DAB1: variants seen among roughly 807,000 people sequenced by gnomAD.
DAB1 encodes DAB adaptor protein 1, also known as disabled homolog 1.
DAB1 carries 15 observed loss-of-function variants against 64.6 expected under a neutral mutation model. The observed-to-expected ratio is 0.23, with a 90% CI of 0.16 to 0.36. DAB1 has a LOEUF of 0.36. Ranked by LOEUF, DAB1 falls within the 10% of genes least tolerant of loss-of-function variation. The pLI is 1.00. For missense variants in DAB1, 596 were observed against 706.7 expected, an observed-to-expected ratio of 0.84 and a Z score of 1.78; for synonymous variants, 235 against 251.9, an observed-to-expected ratio of 0.93 and a Z score of 0.64.
At chr1:58,170,744 T>C (rs564955997) in intron 4 of DAB1, among the ~76,000 whole-genome samples, 1 of 152,190 alleles carries the variant, frequency 6.6e-6, no homozygotes, top group Admixed American at 6.5e-5. Flanking sequence ...ATGTCTGCTA[T>C]GCCGAGGCAA....
chr1:57,394,597 T>C (rs1682655335), intron 1 of DAB1, among the ~76,000 whole-genome samples: 1 of 152,228 alleles, frequency 6.6e-6, no homozygotes, highest in South Asian at 2.1e-4. Context: ...CAGATGCCCC[T>C]GGAAAGCTAG....
rs137992523 is a variant in DAB1, at chr1:58,320,054, T to C, written n.309+23298A>G. On this transcript the variant is annotated intron_variant and non_coding_transcript_variant, in intron 4 of 20. Transcript: ENST00000485760. ...CAAGCATTTACTGAGCTCATACTCTTTGCCAAACACCATCCTAGGTATGCT... is the reference window on the plus strand; with the variant it reads ...CAAGCATTTACTGAGCTCATACTCTCTGCCAAACACCATCCTAGGTATGCT... 2.8e-3 allele frequency among the ~76,000 whole-genome samples: 427 copies of C among 152,316 alleles called. 6 individuals are homozygous for C. Among genetic ancestry groups the C allele is most frequent in the African/African-American group, 9.2e-3 (383 of 41,574 alleles).
chr1:58,065,076 ATAT>A (rs1648772148), intron 5 of DAB1, among the ~76,000 whole-genome samples: 1 of 152,150 alleles, frequency 6.6e-6, no homozygotes, highest in Non-Finnish European at 1.5e-5. Context: ...CCAGTTGCAT[ATAT>A]TATCTCATTT....
At chr1:58,452,547 C>T (rs565678635) in intron 3 of DAB1, among the ~76,000 whole-genome samples, 7 of 151,798 alleles carry the variant, frequency 4.6e-5, no homozygotes, top group South Asian at 2.1e-4. Context: ...CAGTGGCTCA[C>T]GCCTGTAATC....
At chr1:57,857,220 T>C (rs1032194711) in intron 1 of DAB1, among the ~76,000 whole-genome samples, 2 of 152,186 alleles carry the variant, frequency 1.3e-5, no homozygotes, top group African/African-American at 4.8e-5. Context: ...AAGTGGGCAT[T>C]GTTAGACAAG....
chr1:57,822,001 A>G (rs1014264713), downstream of DAB1, among the ~76,000 whole-genome samples: 2 of 152,242 alleles, frequency 1.3e-5, no homozygotes, highest in African/African-American at 2.4e-5. Flanking sequence ...AGCAAGGGCT[A>G]TATCTCATCT....
Position 58,122,048 on chromosome 1 carries a change from G to A in DAB1, n.387+28463C>T, listed in dbSNP as rs376698373. On this transcript the variant is annotated intron_variant and non_coding_transcript_variant, in intron 5 of 20. Coordinates refer to the DAB1 transcript ENST00000485760. ...TCATGTAACAATATGATAAATACAC[G>A]GAAGACAAATGGGACTGTTCTTGAT... 1.4e-4 allele frequency among the ~76,000 whole-genome samples: 22 copies of A among 152,178 alleles called. 1 individual carries two copies. Among genetic ancestry groups the A allele is most frequent in the African/African-American group, 5.1e-4 (21 of 41,520 alleles).
At chr1:57,955,492 T>A (rs925599028) in intron 5 of DAB1, among the ~76,000 whole-genome samples, 5 of 150,584 alleles carry the variant, frequency 3.3e-5, no homozygotes, top group Admixed American at 2.7e-4. Flanking sequence ...CTAATAGTAG[T>A]GTCTTGAGTG....
chr1:58,108,264 G>T (rs764753211), intron 5 of DAB1, among the ~76,000 whole-genome samples: 1 of 152,182 alleles, frequency 6.6e-6, no homozygotes, highest in Non-Finnish European at 1.5e-5. Context: ...AATGTCACAG[G>T]TGTGAGATGA....
intron 4 of DAB1, among the ~76,000 whole-genome samples, chr1:58,205,204 G>C (rs767956108): frequency 6.6e-5 from 10 of 151,994 alleles, no homozygotes; most frequent in Admixed American, 5.9e-4. Flanking sequence ...ACTTCCATCT[G>C]AGTGGGTTCA....
At chr1:57,085,765 G>A (rs1165435796) in intron 4 of DAB1, among the ~76,000 whole-genome samples, 7 of 152,050 alleles carry the variant, frequency 4.6e-5, no homozygotes, top group East Asian at 3.9e-4. Flanking sequence ...CCAGCTCCTC[G>A]CACACTGTAT....
chr1:57,540,287 A>G (rs1411088852), intron 7 of DAB1, among the ~76,000 whole-genome samples: 1 of 152,192 alleles, frequency 6.6e-6, no homozygotes, highest in African/African-American at 2.4e-5. Context: ...TCAAAGAGAC[A>G]AAAAAATAAC....
chr1:58,340,652 C>T (rs1643919779), intron 4 of DAB1, among the ~76,000 whole-genome samples: 1 of 152,144 alleles, frequency 6.6e-6, no homozygotes, highest in African/African-American at 2.4e-5. Flanking sequence ...CAATAAGTGG[C>T]TGACGTGCTG....
At position 58,267,259 on chromosome 1, in the gene DAB1, G is replaced by A. The variant is rs539537354; in HGVS notation, n.309+76093C>T. On this transcript the variant is annotated intron_variant and non_coding_transcript_variant, in intron 4 of 20. Transcript: ENST00000485760. ...AATAAAATAAAAAATAATATAAGTA[G>A]AAAAAAATGTATTTGCTCTGACAAC... Among the ~76,000 whole-genome samples the A allele has an allele frequency of 2.6e-5, 4 of 152,146 alleles. No individual in the cohort carries two copies. The South Asian group carries it at 8.3e-4, about 32-fold the overall frequency.
rs570809557 is a variant in DAB1 at position 58,467,606 on chromosome 1, G to A, written n.257+38454C>T. ...TAAAAATAAATAATTGCTACTCGGT[G>A]CAGTAAAAGCCACAATAGATTAAGA... On this transcript the variant is annotated intron_variant and non_coding_transcript_variant, in intron 3 of 20. Coordinates refer to the DAB1 transcript ENST00000485760. Among the ~76,000 whole-genome samples, 22 of 152,298 alleles carry A rather than the reference G, an allele frequency of 1.4e-4. No individual in the cohort carries two copies. The South Asian group carries it at 4.1e-3, about 29-fold the overall frequency.
At chr1:58,361,256 C>T (rs1433718028) in intron 3 of DAB1, among the ~76,000 whole-genome samples, 5 of 152,206 alleles carry the variant, frequency 3.3e-5, no homozygotes, top group Non-Finnish European at 7.3e-5. Flanking sequence ...TCCATGCTAG[C>T]ACATTCAAAG....
intron 2 of DAB1, among the ~76,000 whole-genome samples, chr1:57,162,868 G>T (rs1289269549): frequency 6.6e-6 from 1 of 152,216 alleles, no homozygotes; most frequent in Non-Finnish European, 1.5e-5. Context: ...TGAGAAGGCT[G>T]CAATATAAAT....
chr1:58,390,394 G>A (rs1450727920), intron 3 of DAB1, among the ~76,000 whole-genome samples: 1 of 152,188 alleles, frequency 6.6e-6, no homozygotes, highest in East Asian at 1.9e-4. Context: ...CTCTAGAAGG[G>A]AGGGGAAGGT....
At chr1:57,262,623 G>A (rs1670268027) in intron 2 of DAB1, among the ~76,000 whole-genome samples, 1 of 152,188 alleles carries the variant, frequency 6.6e-6, no homozygotes, top group Non-Finnish European at 1.5e-5. Flanking sequence ...AGTTCTTTGT[G>A]GGAAATTCAT....
Sources: allele counts gnomAD v4.1 joint callset (sites outside exome capture counted in the v4.1 genomes callset), GRCh38; gene constraint gnomAD v4.1.1; transcripts MANE v1.5; gene names NCBI Gene and HGNC (gene_info 2026-07-23, HGNC 2026-07-21).